NIPSNAP3B: variants seen among roughly 807,000 people sequenced by gnomAD.
NIPSNAP3B encodes nipsnap homolog 3B, also known as protein NipSnap homolog 3B.
A neutral mutation model predicts 31.5 loss-of-function variants in NIPSNAP3B; 30 were observed. The ratio of observed to expected loss-of-function variants is 0.95; its 90% CI spans 0.71 to 1.29. The LOEUF is 1.29. Ranked by LOEUF, NIPSNAP3B falls within the 50% of genes most tolerant of loss-of-function variation. The probability of loss-of-function intolerance (pLI) is 0.00; values close to 1 mark genes in which losing one functional copy is unlikely to be tolerated. For synonymous variants in NIPSNAP3B, 106 were observed against 107.9 expected (o/e 0.98, Z 0.11); for missense variants, 269 against 300.7 (o/e 0.89, Z 0.78).
the NIPSNAP3B span, among the ~76,000 whole-genome samples, chr9:104,785,817 C>G: frequency 1.7e-4 from 26 of 152,218 alleles, no homozygotes; most frequent in Admixed American, 2.0e-4. Context: ...ATGTGAAGCA[C>G]CATGCCATGT....
At chr9:104,787,537 C>T in the NIPSNAP3B span, among the ~76,000 whole-genome samples, 1 of 152,270 alleles carries the variant, frequency 6.6e-6, no homozygotes, top group Non-Finnish European at 1.5e-5. Context: ...ATCTGTTTTT[C>T]ATCTATCCGT....
At position 104,773,006 on chromosome 9, in the gene NIPSNAP3B, G is replaced by C. The variant is rs763192312; in HGVS notation, c.677G>C (p.Ser226Thr). 8.8e-5 allele frequency: 142 copies of C among 1,613,980 alleles called. No homozygotes were observed. Among genetic ancestry groups the C allele is most frequent in the Non-Finnish European group, 1.2e-4 (136 of 1,179,964 alleles). The change falls in exon 6 of 6, where the codon AGT becomes ACT. Residue 226 changes from serine to threonine, a missense_variant. Physicochemically the swap from Ser to Thr is moderately conservative, Grantham distance 58 (BLOSUM62 1). Transcript: ENST00000374762. ...DPRVVAAVRE[S>T]VNYLVSQQNM... ...TGAAATGTTTTTCCAGTTCGGGAAA[G>C]TGTCAACTACCTAGTTTCTCAGCAG...
intron 4 of NIPSNAP3B, chr9:104,771,269 T>G (rs1828212292): frequency 3.5e-6 from 1 of 287,808 alleles, no homozygotes; most frequent in Admixed American, 4.7e-5. Flanking sequence ...GTTACTTAGG[T>G]AAACCCATGT....
At chr9:104,784,096 T>A in the NIPSNAP3B span, 1 of 573,990 alleles carries the variant, frequency 1.7e-6, no homozygotes, top group Non-Finnish European at 3.1e-6. Context: ...AGTCTTTCAC[T>A]TGAGAGCCAT....
Position 104,766,593 on chromosome 9 carries a change from A to T in NIPSNAP3B, c.271+58A>T, listed in dbSNP as rs911746147. The T allele has an allele frequency of 4.0e-6, 6 of 1,502,338 alleles. No homozygotes were observed. In the African/African-American group the frequency reaches 6.9e-5, roughly 17 times the overall value. 93.1% of individuals were successfully genotyped at this position (1,502,338 alleles called of 1,614,324 possible). A position where few individuals can be genotyped will look rare whatever the true frequency, so the allele number is the denominator to read the frequency against. On this transcript the variant is annotated intron_variant, in intron 2 of 5. Transcript: ENST00000374762. The stretch of plus-strand genomic sequence containing the variant: ...AGATTTTCATTCTGTTAAATGTAAC[A>T]TAAGACTTAGTTCTTGGATCTATAT...
At chr9:104,785,787 A>G in the NIPSNAP3B span, 10 of 863,220 alleles carry the variant, frequency 1.2e-5, no homozygotes, top group South Asian at 1.5e-4. Context: ...ACCAGTTATC[A>G]TTTACTAAAT....
the NIPSNAP3B span, chr9:104,785,774 G>A: frequency 1.0e-6 from 1 of 992,464 alleles, no homozygotes; most frequent in Non-Finnish European, 1.5e-6. Context: ...TCTGAGAGAA[G>A]GAACCAGTTA....
At position 104,773,365 on chromosome 9, in the gene NIPSNAP3B, T is replaced by C. The variant is rs1828266585; in HGVS notation, c.*292T>C. The stretch of plus-strand genomic sequence containing the variant: ...TTAGAATACCTCTTCTGTATTTTGA[T>C]AACTCATTGCTTTATAGCATTTTCT... On this transcript the variant is annotated 3_prime_UTR_variant, in exon 6 of 6. Coordinates refer to ENST00000374762, the MANE Select transcript of NIPSNAP3B (RefSeq NM_018376.4). 1 of 289,282 alleles carries C rather than the reference T, an allele frequency of 3.5e-6. No homozygotes were observed. The highest frequency in any genetic ancestry group is 6.4e-6 in the Non-Finnish European group (1 of 155,068). 17.9% of individuals were successfully genotyped at this position (289,282 alleles called of 1,614,324 possible).
At chr9:104,784,328 T>C in the NIPSNAP3B span, 1 of 1,614,024 alleles carries the variant, frequency 6.2e-7, no homozygotes, top group African/African-American at 1.3e-5. Context: ...TACATAGCTT[T>C]CTTTCACTTT....
chr9:104,788,644 T>C, the NIPSNAP3B span: 3 of 1,526,082 alleles, frequency 2.0e-6, no homozygotes, highest in Non-Finnish European at 2.7e-6. Context: ...CTAATGTTCC[T>C]GTAAAGTATG....
At position 104,770,873 on chromosome 9, in the gene NIPSNAP3B, A is replaced by G; in HGVS notation, c.455A>G (p.Gln152Arg). 6.2e-7 allele frequency: 1 copy of G among 1,613,750 alleles called. No homozygotes were observed. The highest frequency in any genetic ancestry group is 1.1e-5 in the South Asian group (1 of 91,068). ...GGAGTCTATGAACTAGCTGTTTTTC[A>G]GATGAAACCTGGTGGGCCAGCTCTG... is the stretch of plus-strand genomic sequence containing the variant. ...KEGVYELAVF[Q>R]MKPGGPALWG... Residue 152 changes from glutamine to arginine, a missense_variant, in exon 4 of 6, where the codon CAG becomes CGG. Gln to Arg is a conservative substitution (Grantham distance 43). Coordinates refer to ENST00000374762, the MANE Select transcript of NIPSNAP3B (RefSeq NM_018376.4).
chr9:104,787,117 T>C, the NIPSNAP3B span: 5 of 662,638 alleles, frequency 7.5e-6, no homozygotes. Flanking sequence ...ATCAAAGAAT[T>C]AGAGTAACTT....
the NIPSNAP3B span, chr9:104,787,688 G>A: frequency 9.3e-5 from 21 of 224,918 alleles, no homozygotes; most frequent in Admixed American, 6.5e-4. Flanking sequence ...CCTCAATCAC[G>A]CTAAGAAACA....
At chr9:104,782,345 C>G (rs1385392723), downstream of NIPSNAP3B, 2 of 151,836 alleles carry the variant, frequency 1.3e-5, no homozygotes, top group Non-Finnish European at 2.9e-5. Context: ...ATATAATATT[C>G]TGTAAATTTA....
chr9:104,784,936 G>T, the NIPSNAP3B span, among the ~76,000 whole-genome samples: 2 of 151,924 alleles, frequency 1.3e-5, no homozygotes, highest in Non-Finnish European at 2.9e-5. Flanking sequence ...GAGCCACCAC[G>T]CCCGGCCAAA....
At chr9:104,788,125 GT>G in the NIPSNAP3B span, 3 of 1,490,818 alleles carry the variant, frequency 2.0e-6, no homozygotes, top group Non-Finnish European at 2.8e-6. Context: ...ACACATACAT[GT>G]ATGAAAGTTC....
chr9:104,787,069 T>G, the NIPSNAP3B span: 1 of 1,052,534 alleles, frequency 9.5e-7, no homozygotes. Flanking sequence ...TTGAAACAGC[T>G]TAAATTTTAA....
the NIPSNAP3B span, among the ~76,000 whole-genome samples, chr9:104,789,444 G>T: frequency 6.6e-6 from 1 of 152,206 alleles, no homozygotes; most frequent in Non-Finnish European, 1.5e-5. Context: ...CTGCAAAAAT[G>T]TAAGAGACAG....
chr9:104,771,007 G>A lies in NIPSNAP3B; in HGVS notation c.580+9G>A. On this transcript the variant is annotated intron_variant, in intron 4 of 5. Coordinates refer to ENST00000374762, the MANE Select transcript of NIPSNAP3B (RefSeq NM_018376.4). ...TGGAGAACTCAACAGAGGTACAGTT[G>A]TCCATTTGTTCTATGAAGTTGCCAT... is the stretch of plus-strand genomic sequence containing the variant. 6.2e-7 allele frequency: 1 copy of A among 1,612,894 alleles called. No individual in the cohort carries two copies.
Sources: gnomAD v4.1 joint callset for allele counts (sites outside exome capture counted in the v4.1 genomes callset) on GRCh38, gnomAD v4.1.1 for gene constraint, MANE v1.5 for transcripts, NCBI Gene and HGNC (gene_info 2026-07-23, HGNC 2026-07-21) for gene names.